Variants in ITGB1BP1 observed in about 807,000 individuals in gnomAD.
ITGB1BP1 encodes integrin subunit beta 1 binding protein 1, also known as integrin beta-1-binding protein 1.
ITGB1BP1 carries 20 observed loss-of-function variants against 28.0 expected under a neutral mutation model. The observed-to-expected ratio is 0.71, with a 90% CI of 0.50 to 1.04. ITGB1BP1 has a LOEUF of 1.04. Ranked by LOEUF, ITGB1BP1 falls within the 50% of genes least tolerant of loss-of-function variation. The pLI, the probability that ITGB1BP1 is intolerant of heterozygous loss-of-function variation, is 0.00. For synonymous variants in ITGB1BP1, 103 were observed against 89.5 expected (o/e 1.15, Z -0.85); for missense variants, 228 against 242.5 (o/e 0.94, Z 0.40).
At chr2:9,412,062 AAG>A in intron 4 of ITGB1BP1, 4 of 472,198 alleles carry the variant, frequency 8.5e-6, no homozygotes, top group South Asian at 3.1e-5. Context: ...AAAAAAAAAA[AAG>A]TACCGTGTTT....
At position 9,423,314 on chromosome 2, in the gene ITGB1BP1, G is replaced by T. The variant is rs1362003272; in HGVS notation, c.-36+59C>A. The T allele has an allele frequency of 2.5e-6, 3 of 1,223,378 alleles. No homozygotes were observed. The African/African-American group carries it at 4.9e-5, about 20-fold the overall frequency. 75.8% of individuals were successfully genotyped at this position (1,223,378 alleles called of 1,614,324 possible). On this transcript the variant is annotated intron_variant, in intron 1 of 6. Coordinates refer to ENST00000355346, the MANE Select transcript of ITGB1BP1 (RefSeq NM_004763.5). ...GGCCGTCCGCGCCGCTCTCGGGACC[G>T]TGTTCCCGTCAGGCCTCCGCGAGCT...
chr2:9,408,102 A>G lies in ITGB1BP1; in HGVS notation c.381+11T>C. On this transcript the variant is annotated intron_variant, in intron 5 of 6. Transcript: ENST00000355346. The stretch of plus-strand genomic sequence containing the variant: ...TAAAACATAGTTTTCTTAATAAATT[A>G]TATTACTTACATATTGATCTGATGT... 7.4e-7 allele frequency: 1 copy of G among 1,344,768 alleles called. No homozygotes were observed. Among genetic ancestry groups the G allele is most frequent in the East Asian group, 2.3e-5 (1 of 43,608 alleles). 83.3% of individuals were successfully genotyped at this position (1,344,768 alleles called of 1,614,324 possible). A position where few individuals can be genotyped will look rare whatever the true frequency, so the allele number is the denominator to read the frequency against.
intron 1 of ITGB1BP1, chr2:9,420,084 T>G: frequency 1.0e-6 from 1 of 980,648 alleles, no homozygotes; most frequent in Non-Finnish European, 1.2e-6. Flanking sequence ...GTGATGCTTT[T>G]CAGAGAAACT....
intron 6 of ITGB1BP1, chr2:9,407,230 A>G: frequency 4.9e-6 from 3 of 614,166 alleles, no homozygotes; most frequent in Non-Finnish European, 8.6e-6. Context: ...TACCTTTTAA[A>G]TCCCGGCACA....
chr2:9,414,340 A>G, intron 2 of ITGB1BP1, 84 bp from the exon 3 acceptor site: 2 of 934,298 alleles, frequency 2.1e-6, no homozygotes, highest in South Asian at 2.8e-5. Flanking sequence ...CACATCATTT[A>G]TTAGAGTTGA....
intron 1 of ITGB1BP1, chr2:9,422,340 C>T: frequency 1.1e-6 from 1 of 929,962 alleles, no homozygotes; most frequent in Non-Finnish European, 1.3e-6. Flanking sequence ...TTTCCACTTC[C>T]ATCCTCCACA....
At chr2:9,408,957 C>T (rs180807404) in intron 4 of ITGB1BP1, among the ~76,000 whole-genome samples, 3 of 152,186 alleles carry the variant, frequency 2.0e-5, no homozygotes, top group Non-Finnish European at 4.4e-5. Flanking sequence ...CCAGTGTTAG[C>T]GTGTGGGATG....
At chr2:9,412,153 C>T (rs936570574) in intron 4 of ITGB1BP1, 116 bp downstream of exon 4, 16 of 834,046 alleles carry the variant, frequency 1.9e-5, no homozygotes, top group African/African-American at 1.2e-4. Context: ...GGACTTCAGT[C>T]GAGAGCAAGC....
rs201609195 is a variant in ITGB1BP1, at chr2:9,412,324, T to G, written c.233A>C (p.Glu78Ala). 145 of 1,612,688 alleles carry G rather than the reference T, an allele frequency of 9.0e-5. 1 individual carries two copies. The East Asian group carries it at 3.2e-3, about 36-fold the overall frequency. Residue 78 changes from glutamate (E) to alanine (A), a missense_variant, in exon 4 of 7, where the codon GAG (glutamate) becomes GCG (alanine). Around this residue, in one of 2 missense-constraint regions of ITGB1BP1, gnomAD observed 192 missense variants for 181.6 expected, o/e 1.06. Coordinates refer to ENST00000355346, the MANE Select transcript of ITGB1BP1 (RefSeq NM_004763.5). ...TAATGGCCCTTCAAGGCCTTTTCCC[T>G]CGGAGAGTTTCAGTTTCTCAATGGC... ...VGAIEKLKLS[E>A]GKGLEGPLDL...
chr2:9,413,968 A>G (rs181139734), intron 3 of ITGB1BP1, among the ~76,000 whole-genome samples: 37 of 152,212 alleles, frequency 2.4e-4, no homozygotes, highest in African/African-American at 8.9e-4. Context: ...GCCTGTGCCA[A>G]TCTCCAAAGG....
intron 1 of ITGB1BP1, among the ~76,000 whole-genome samples, chr2:9,420,640 C>G (rs1321695500): frequency 6.6e-6 from 1 of 152,088 alleles, no homozygotes; most frequent in Non-Finnish European, 1.5e-5. Context: ...GAGAGGGGCC[C>G]GAGGGAACAG....
chr2:9,418,094 T>C (rs900820560), intron 2 of ITGB1BP1, among the ~76,000 whole-genome samples: 2 of 152,254 alleles, frequency 1.3e-5, no homozygotes, highest in Admixed American at 6.5e-5. Flanking sequence ...GCTATCTTTA[T>C]ACTCTTATAT....
chr2:9,422,629 A>G, intron 1 of ITGB1BP1: 1 of 985,514 alleles, frequency 1.0e-6, no homozygotes, highest in Non-Finnish European at 1.2e-6. Context: ...TCAAAGGCGG[A>G]GCTCGGTGAC....
intron 3 of ITGB1BP1, 34 bp from the exon 4 acceptor site, chr2:9,412,439 A>G: frequency 6.4e-7 from 1 of 1,568,058 alleles, no homozygotes; most frequent in Non-Finnish European, 8.6e-7. Flanking sequence ...AGACTTAAGA[A>G]GAAATATCTG....
upstream of ITGB1BP1, chr2:9,423,565 A>C (rs375864591): frequency 2.7e-6 from 3 of 1,120,512 alleles, no homozygotes; most frequent in Admixed American, 3.3e-5. Context: ...CCCCGGTTCC[A>C]AGACCCCAAG....
At chr2:9,412,532 A>AGACGGAAGAGCGT in intron 3 of ITGB1BP1, 127 bp from the exon 4 acceptor site, 1 of 736,604 alleles carries the variant, frequency 1.4e-6, no homozygotes, top group South Asian at 2.1e-5. Flanking sequence ...ATTTTATAAT[A>AGACGGAAGAGCGT]CACAATATTT....
intron 1 of ITGB1BP1, among the ~76,000 whole-genome samples, chr2:9,421,483 C>G (rs980222376): frequency 2.0e-5 from 3 of 152,010 alleles, no homozygotes; most frequent in African/African-American, 7.2e-5. Flanking sequence ...GTCAGGAGAT[C>G]GAGACCATCC....
rs1677312874 is a variant in ITGB1BP1, at chr2:9,406,139, G to T, written c.*695C>A. The T allele has an allele frequency of 1.3e-4, 2 of 15,122 alleles. No individual in the cohort carries two copies. The highest frequency in any genetic ancestry group is 1.4e-3 in the Admixed American group (2 of 1,430). 0.9% of individuals were successfully genotyped at this position (15,122 alleles called of 1,614,324 possible). ...CTCGTCTTCCTCAGGCCTTCAGTGT[G>T]TGTTTGTCACTGAGTGGACCTCTGT... On this transcript the variant is annotated 3_prime_UTR_variant, in exon 7 of 7. Transcript: ENST00000355346.
At chr2:9,417,714 C>G (rs1190045077) in intron 2 of ITGB1BP1, among the ~76,000 whole-genome samples, 1 of 152,150 alleles carries the variant, frequency 6.6e-6, no homozygotes, top group East Asian at 1.9e-4. Context: ...CCACCGTGCC[C>G]GGCCTGAAAA....
Sources: gnomAD v4.1 joint callset for allele counts (sites outside exome capture counted in the v4.1 genomes callset) on GRCh38, gnomAD v4.1.1 for gene constraint, gnomAD v4.1.1 regional missense constraint, MANE v1.5 for transcripts, NCBI Gene and HGNC (gene_info 2026-07-23, HGNC 2026-07-21) for gene names.